Variants in PDE11A observed in about 807,000 individuals in gnomAD.
PDE11A encodes phosphodiesterase 11A.
In PDE11A, 100 loss-of-function variants were observed where a neutral mutation model predicts 100.5. That is an observed-to-expected ratio of 1.00 (90% CI 0.85 to 1.18). The LOEUF (loss-of-function observed/expected upper bound fraction) is 1.18. PDE11A is among the 50% of genes most tolerant of loss of function. PDE11A has a pLI of 0.00. For synonymous variants in PDE11A, 381 were observed against 420.8 expected, an observed-to-expected ratio of 0.91 and a Z score of 1.16; for missense variants, 1,141 against 1,152.6, an observed-to-expected ratio of 0.99 and a Z score of 0.15.
At chr2:177,715,870 G>A (rs943839571) in intron 12 of PDE11A, among the ~76,000 whole-genome samples, 3 of 152,196 alleles carry the variant, frequency 2.0e-5, no homozygotes, top group Non-Finnish European at 4.4e-5. Flanking sequence ...ATTCTTAAGA[G>A]TAAAGCATCA....
At chr2:177,951,168 T>C (rs2085500844) in intron 2 of PDE11A, among the ~76,000 whole-genome samples, 1 of 152,170 alleles carries the variant, frequency 6.6e-6, no homozygotes, top group African/African-American at 2.4e-5. Context: ...AGAAATAAAA[T>C]GAGAAGTCTT....
chr2:177,812,613 A>G (rs908479222), intron 9 of PDE11A, among the ~76,000 whole-genome samples: 3 of 152,130 alleles, frequency 2.0e-5, no homozygotes, highest in African/African-American at 7.2e-5. Flanking sequence ...CAGGAGGGTG[A>G]GTCCCCTGAG....
chr2:177,745,328 A>T (rs1283081109), intron 10 of PDE11A, among the ~76,000 whole-genome samples: 2 of 152,308 alleles, frequency 1.3e-5, no homozygotes, highest in South Asian at 4.2e-4. Flanking sequence ...TTCCAAACAC[A>T]TCTAAAATGG....
At chr2:177,955,308 A>G (rs1485747943) in intron 2 of PDE11A, among the ~76,000 whole-genome samples, 1 of 152,182 alleles carries the variant, frequency 6.6e-6, no homozygotes. Flanking sequence ...TACATATATA[A>G]TTTTATGTAG....
At chr2:177,896,305 T>G (rs1172226199) in intron 4 of PDE11A, among the ~76,000 whole-genome samples, 4 of 152,230 alleles carry the variant, frequency 2.6e-5, no homozygotes, top group African/African-American at 9.6e-5. Flanking sequence ...TCATCTATAT[T>G]TTTTTGGTCA....
intron 5 of PDE11A, among the ~76,000 whole-genome samples, chr2:177,856,739 C>T (rs556320236): frequency 1.9e-4 from 29 of 152,064 alleles, no homozygotes; most frequent in Non-Finnish European, 2.6e-4. Context: ...TCAATTCAAA[C>T]ATCTAGTCTG....
At chr2:177,988,358 G>C (rs2085964834) in intron 2 of PDE11A, among the ~76,000 whole-genome samples, 1 of 152,186 alleles carries the variant, frequency 6.6e-6, no homozygotes, top group South Asian at 2.1e-4. Context: ...CACCCACCTT[G>C]AAACTTCAGT....
intron 4 of PDE11A, among the ~76,000 whole-genome samples, chr2:177,881,241 A>G (rs1179738450): frequency 1.3e-5 from 2 of 152,162 alleles, no homozygotes; most frequent in Admixed American, 1.3e-4. Flanking sequence ...CTGGTTCTCT[A>G]GCTTGCAGAC....
chr2:178,028,300 CAA>C (rs5836640), intron 1 of PDE11A, among the ~76,000 whole-genome samples: 309 of 131,386 alleles, frequency 2.4e-3, no homozygotes, highest in African/African-American at 5.0e-3. Context: ...CATGTTCCAT[CAA>C]AAAAAAAAAA....
chr2:178,101,177 G>A (rs1420798132), intron 2 of PDE11A, among the ~76,000 whole-genome samples: 2 of 152,166 alleles, frequency 1.3e-5, no homozygotes, highest in Non-Finnish European at 2.9e-5. Flanking sequence ...AAATTTGGGG[G>A]TTCCCACAAC....
chr2:177,652,795 C>A (rs2080329832), intron 19 of PDE11A, among the ~76,000 whole-genome samples: 1 of 152,162 alleles, frequency 6.6e-6, no homozygotes, highest in African/African-American at 2.4e-5. Context: ...TATTTCTTAG[C>A]TTTTTGATGG....
At chr2:178,101,151 C>T (rs1192224855) in intron 2 of PDE11A, among the ~76,000 whole-genome samples, 1 of 152,182 alleles carries the variant, frequency 6.6e-6, no homozygotes, top group African/African-American at 2.4e-5. Context: ...ACCCAAACTT[C>T]CAACTAACTG....
intron 2 of PDE11A, among the ~76,000 whole-genome samples, chr2:177,947,053 G>A (rs1355574015): frequency 3.7e-5 from 4 of 107,222 alleles, no homozygotes; most frequent in African/African-American, 1.0e-4. Flanking sequence ...CCCCGTCCGG[G>A]AGGTGAGGGG....
intron 5 of PDE11A, among the ~76,000 whole-genome samples, chr2:177,844,192 A>T (rs1362025653): frequency 6.6e-6 from 1 of 152,234 alleles, no homozygotes; most frequent in Non-Finnish European, 1.5e-5. Context: ...ATATTTATTT[A>T]TCACAGTTTT....
At chr2:177,796,429 C>G (rs1222416270) in intron 9 of PDE11A, among the ~76,000 whole-genome samples, 1 of 152,176 alleles carries the variant, frequency 6.6e-6, no homozygotes, top group Non-Finnish European at 1.5e-5. Flanking sequence ...GAGATTTGGG[C>G]TCCTCTGGAT....
At chr2:177,668,305 A>G (rs2080619984) in intron 18 of PDE11A, among the ~76,000 whole-genome samples, 1 of 152,106 alleles carries the variant, frequency 6.6e-6, no homozygotes, top group Non-Finnish European at 1.5e-5. Flanking sequence ...CCTCTGAAAC[A>G]GTTTTTAAAG....
chr2:177,972,355 T>C (rs2085782633), intron 2 of PDE11A, among the ~76,000 whole-genome samples: 1 of 152,184 alleles, frequency 6.6e-6, no homozygotes, highest in Non-Finnish European at 1.5e-5. Context: ...GAGGAGCTGA[T>C]GACTCAAAAT....
At chr2:177,675,784 T>C in intron 16 of PDE11A, 1 of 601,766 alleles carries the variant, frequency 1.7e-6, no homozygotes, top group South Asian at 1.6e-5. Flanking sequence ...AGCAAAGCAC[T>C]ACTTTCTGTA....
intron 9 of PDE11A, among the ~76,000 whole-genome samples, chr2:177,795,206 T>G (rs1186675532): frequency 6.6e-6 from 1 of 152,154 alleles, no homozygotes; most frequent in Non-Finnish European, 1.5e-5. Context: ...AATTTGGAGT[T>G]TCTGGACAAT....
Sources: allele counts gnomAD v4.1 joint callset (sites outside exome capture counted in the v4.1 genomes callset), GRCh38; gene constraint gnomAD v4.1.1; transcripts MANE v1.5; gene names NCBI Gene and HGNC (gene_info 2026-07-23, HGNC 2026-07-21).